Variants in TYW1 observed in about 807,000 individuals in gnomAD.
TYW1 encodes S-adenosyl-L-methionine-dependent tRNA 4-demethylwyosine synthase TYW1.
In TYW1, 46 loss-of-function variants were observed where a neutral mutation model predicts 96.2. That is an observed-to-expected ratio of 0.48 (90% confidence interval 0.38 to 0.61). The LOEUF is 0.61. TYW1 is among the 20% of genes least tolerant of loss of function. The pLI is 0.00. For synonymous variants in TYW1, 274 were observed against 323.0 expected, an observed-to-expected ratio of 0.85 and a Z score of 1.63; for missense variants, 684 against 909.6, an observed-to-expected ratio of 0.75 and a Z score of 3.19.
intron 13 of TYW1, among the ~76,000 whole-genome samples, chr7:67,171,486 G>T (rs1258548164): frequency 1.3e-5 from 2 of 152,044 alleles, no homozygotes; most frequent in Non-Finnish European, 1.5e-5. Flanking sequence ...TCGTTCATGT[G>T]TTCTGTGCTT....
At position 67,049,524 on chromosome 7, in the gene TYW1, T is replaced by A. The variant is rs190357009; in HGVS notation, c.985-425T>A. On this transcript the variant is annotated intron_variant, in intron 7 of 15. Coordinates refer to ENST00000359626, the MANE Select transcript of TYW1 (RefSeq NM_018264.4). ...GGCCATGGTTCATAACAGCCCTTTT[T>A]AAAAATTTTTTTTTAAATTATTTAT... 3.2e-3 allele frequency among the ~76,000 whole-genome samples: 486 copies of A among 152,174 alleles called. 4 individuals are homozygous for A. Among genetic ancestry groups the A allele is most frequent in the Non-Finnish European group, 4.3e-3 (294 of 67,996 alleles).
At chr7:67,014,242 A>G in intron 4 of TYW1, 125 bp from the exon 5 acceptor site, 3 of 1,336,918 alleles carry the variant, frequency 2.2e-6, no homozygotes, top group Non-Finnish European at 3.0e-6. Context: ...ACTTTTGAAG[A>G]TGAACCATGT....
intron 9 of TYW1, among the ~76,000 whole-genome samples, chr7:67,059,130 C>G (rs574264110): frequency 3.6e-5 from 5 of 140,442 alleles, no homozygotes; most frequent in Admixed American, 2.2e-4. Context: ...GACAGGGTCT[C>G]GCTCTGTCAC....
At chr7:67,013,074 A>G (rs1181629299) in intron 4 of TYW1, among the ~76,000 whole-genome samples, 1 of 151,542 alleles carries the variant, frequency 6.6e-6, no homozygotes, top group African/African-American at 2.4e-5. Context: ...GCTTTAATTT[A>G]TTAGATAATT....
At chr7:67,133,060 G>C (rs55940282) in intron 13 of TYW1, among the ~76,000 whole-genome samples, 1 of 152,104 alleles carries the variant, frequency 6.6e-6, no homozygotes, top group Admixed American at 6.5e-5. Flanking sequence ...CCTGTCCTAC[G>C]TGATTATACT....
At chr7:67,174,430 T>C (rs1799601814) in intron 13 of TYW1, among the ~76,000 whole-genome samples, 1 of 150,982 alleles carries the variant, frequency 6.6e-6, no homozygotes, top group Non-Finnish European at 1.5e-5. Flanking sequence ...GGGCTGAAAT[T>C]TGCCAAGAGC....
intron 15 of TYW1, among the ~76,000 whole-genome samples, chr7:67,199,373 T>A (rs1781854064): frequency 6.6e-6 from 1 of 152,170 alleles, no homozygotes. Flanking sequence ...TGGTGATGAT[T>A]TTGTTCAGCC....
chr7:66,999,784 G>A (rs968995624), intron 3 of TYW1, among the ~76,000 whole-genome samples: 6 of 152,102 alleles, frequency 3.9e-5, no homozygotes, highest in Admixed American at 1.3e-4. Flanking sequence ...TCTTTTTTGC[G>A]GGGGAACAGT....
intron 9 of TYW1, among the ~76,000 whole-genome samples, chr7:67,058,476 A>G (rs1387299940): frequency 2.0e-5 from 3 of 152,026 alleles, no homozygotes; most frequent in Admixed American, 1.3e-4. Context: ...GGAAGAAGCC[A>G]TTTTTAAAAA....
At chr7:67,160,100 C>T (rs897661839) in intron 13 of TYW1, among the ~76,000 whole-genome samples, 3 of 152,108 alleles carry the variant, frequency 2.0e-5, no homozygotes, top group Non-Finnish European at 4.4e-5. Flanking sequence ...CCACGCCTGG[C>T]CCCAAAAATT....
chr7:67,176,505 G>A (rs1430562512), intron 13 of TYW1, among the ~76,000 whole-genome samples: 2 of 152,056 alleles, frequency 1.3e-5, no homozygotes, highest in African/African-American at 2.4e-5. Flanking sequence ...AGAATGTCAG[G>A]TATCCCAATA....
At chr7:67,207,681 C>CTTTTTTTTTTTTT (rs11286327) in intron 15 of TYW1, among the ~76,000 whole-genome samples, 45 of 116,506 alleles carry the variant, frequency 3.9e-4, no homozygotes, top group African/African-American at 5.5e-4. Context: ...TTTTGTTTGC[C>CTTTTTTTTTTTTT]TTTTTTTTTT....
chr7:67,195,101 C>T, intron 14 of TYW1, 69 bp from the exon 15 acceptor site: 1 of 1,553,318 alleles, frequency 6.4e-7, no homozygotes, highest in Non-Finnish European at 8.7e-7. Flanking sequence ...TTTTCCGGCT[C>T]TGAAAGTCTT....
intron 15 of TYW1, among the ~76,000 whole-genome samples, chr7:67,227,682 C>G (rs1313848474): frequency 6.6e-6 from 1 of 151,954 alleles, no homozygotes; most frequent in Non-Finnish European, 1.5e-5. Flanking sequence ...TCAACTGTGT[C>G]TAGGTGACTG....
intron 3 of TYW1, among the ~76,000 whole-genome samples, chr7:67,003,567 G>T (rs1289918260): frequency 2.0e-5 from 3 of 151,396 alleles, no homozygotes; most frequent in Non-Finnish European, 2.9e-5. Flanking sequence ...AAAAAATGAG[G>T]ATTACAGAAT....
In TYW1 at chr7:67,117,583, A is replaced by C. The variant is rs1375016197; in HGVS notation, c.1663A>C (p.Arg555=). The change falls in exon 13 of 16, where the codon AGA becomes CGA. Residue 555 remains arginine, a synonymous_variant. Transcript: ENST00000359626. ...CCCACTCTTCAAGGATTTCTGGCAG[A>C]GATTCCTTGACAGTTTAAAAGCCTT... ...DRPLFKDFWQ[R]FLDSLKALAV... The C allele has an allele frequency of 5.0e-6, 8 of 1,613,938 alleles. No homozygotes were observed. Among genetic ancestry groups the C allele is most frequent in the Non-Finnish European group, 6.8e-6 (8 of 1,179,970 alleles).
At chr7:67,145,309 C>T (rs1170887083) in intron 13 of TYW1, among the ~76,000 whole-genome samples, 8 of 151,770 alleles carry the variant, frequency 5.3e-5, no homozygotes, top group Middle Eastern at 3.2e-3. Flanking sequence ...CCAGCACGCC[C>T]GGCTAATTTT....
intron 8 of TYW1, among the ~76,000 whole-genome samples, chr7:67,051,745 T>C (rs1795368003): frequency 6.6e-6 from 1 of 151,664 alleles, no homozygotes; most frequent in Non-Finnish European, 1.5e-5. Flanking sequence ...TTTTTTTTTT[T>C]TTCTAATTTA....
intron 7 of TYW1, among the ~76,000 whole-genome samples, chr7:67,026,782 A>G (rs1429777776): frequency 6.6e-6 from 1 of 151,976 alleles, no homozygotes; most frequent in East Asian, 1.9e-4. Flanking sequence ...TTAAAACTGT[A>G]GTACTGGCTC....
Sources: gnomAD v4.1 joint callset for allele counts (sites outside exome capture counted in the v4.1 genomes callset) on GRCh38, gnomAD v4.1.1 for gene constraint, MANE v1.5 for transcripts, NCBI Gene and HGNC (gene_info 2026-07-23, HGNC 2026-07-21) for gene names.